The following ATP10B variants were observed in gnomAD, a reference collection of about 807,000 sequenced individuals.
ATP10B encodes the protein phospholipid-transporting ATPase VB.
In ATP10B, 122 loss-of-function variants were observed where a neutral mutation model predicts 141.2. The observed-to-expected ratio is 0.86, with a 90% CI of 0.75 to 1.00. The LOEUF is 1.00. Ranked by LOEUF, ATP10B falls within the 50% of genes least tolerant of loss-of-function variation. The pLI is 0.00. For missense variants in ATP10B, 1,876 were observed against 1,825.3 expected (o/e 1.03, Z -0.51); for synonymous variants, 685 against 692.0 (o/e 0.99, Z 0.16).
intron 1 of ATP10B, among the ~76,000 whole-genome samples, chr5:160,788,835 C>T (rs182236638): frequency 1.3e-5 from 2 of 152,212 alleles, no homozygotes; most frequent in East Asian, 3.9e-4. Flanking sequence ...ACTTTCTATC[C>T]ATCCACCATC....
At chr5:160,601,146 C>T (rs999442811) in intron 21 of ATP10B, among the ~76,000 whole-genome samples, 6 of 152,192 alleles carry the variant, frequency 3.9e-5, no homozygotes, top group East Asian at 1.9e-4. Flanking sequence ...GACTTGTTTG[C>T]GTAGACTTGC....
At chr5:160,592,547 T>C (rs979684798) in intron 22 of ATP10B, among the ~76,000 whole-genome samples, 1 of 152,072 alleles carries the variant, frequency 6.6e-6, no homozygotes, top group African/African-American at 2.4e-5. Flanking sequence ...CACTAGGGAG[T>C]GCCAGACAGT....
chr5:160,748,626 G>C (rs1484267888), intron 2 of ATP10B, among the ~76,000 whole-genome samples: 5 of 152,218 alleles, frequency 3.3e-5, no homozygotes, highest in African/African-American at 9.7e-5. Flanking sequence ...GTAACTTCCA[G>C]ATGCCAGCTG....
chr5:160,759,506 T>G (rs1041762276), intron 2 of ATP10B, among the ~76,000 whole-genome samples: 3 of 152,236 alleles, frequency 2.0e-5, no homozygotes, highest in Admixed American at 1.3e-4. Flanking sequence ...TGAACAATTT[T>G]TTTTAAGATT....
At chr5:160,750,161 A>T (rs1391249186) in intron 2 of ATP10B, among the ~76,000 whole-genome samples, 4 of 152,188 alleles carry the variant, frequency 2.6e-5, no homozygotes, top group Non-Finnish European at 4.4e-5. Flanking sequence ...GGTCTACATG[A>T]AATCTCATTC....
intron 15 of ATP10B, 82 bp downstream of exon 15, chr5:160,620,265 T>C: frequency 6.6e-7 from 1 of 1,507,304 alleles, no homozygotes; most frequent in Non-Finnish European, 8.9e-7. Flanking sequence ...ACACTACAAC[T>C]TGAGCTTCTT....
At chr5:160,845,282 G>A (rs978314661) in intron 1 of ATP10B, among the ~76,000 whole-genome samples, 2 of 152,146 alleles carry the variant, frequency 1.3e-5, no homozygotes, top group African/African-American at 4.8e-5. Context: ...TGGGAACCAT[G>A]ACTGTGGACA....
At chr5:160,887,814 C>G in the ATP10B span, among the ~76,000 whole-genome samples, 1 of 152,136 alleles carries the variant, frequency 6.6e-6, no homozygotes, top group Non-Finnish European at 1.5e-5. Context: ...TTCCGGACAC[C>G]CTATGTACAA....
At chr5:160,844,677 T>C (rs982896768) in intron 1 of ATP10B, among the ~76,000 whole-genome samples, 3 of 151,768 alleles carry the variant, frequency 2.0e-5, no homozygotes, top group African/African-American at 7.3e-5. Context: ...TCCTGAGTAG[T>C]TGGGATTACA....
At chr5:160,799,503 G>T (rs1772214211) in intron 1 of ATP10B, among the ~76,000 whole-genome samples, 1 of 152,168 alleles carries the variant, frequency 6.6e-6, no homozygotes, top group African/African-American at 2.4e-5. Context: ...CAAAGTCACT[G>T]TTAATTAATG....
In ATP10B at chr5:160,659,765, A is replaced by G. The variant is rs577585587; in HGVS notation, c.676-10509T>C. The stretch of plus-strand genomic sequence containing the variant: ...CATCAAGTTATCATTATTATAAATA[A>G]TTAAACCTAACATTTATAGAGCTTT... On this transcript the variant is annotated intron_variant, in intron 7 of 25. Coordinates refer to ENST00000327245, the MANE Select transcript of ATP10B (RefSeq NM_025153.3). 3.9e-5 allele frequency among the ~76,000 whole-genome samples: 6 copies of G among 152,302 alleles called. No homozygotes were observed. The East Asian group carries it at 1.2e-3, about 29-fold the overall frequency.
intron 6 of ATP10B, among the ~76,000 whole-genome samples, chr5:160,683,578 G>A (rs1304861605): frequency 1.3e-5 from 2 of 152,160 alleles, no homozygotes; most frequent in Admixed American, 6.5e-5. Context: ...TACATACCTC[G>A]AAGCAAGCCT....
the ATP10B span, among the ~76,000 whole-genome samples, chr5:160,878,726 G>T: frequency 6.6e-6 from 1 of 152,068 alleles, no homozygotes; most frequent in East Asian, 1.9e-4. Context: ...GTGGGCGAAG[G>T]ACATGAACAG....
chr5:160,636,145 T>C (rs375408879), intron 11 of ATP10B, 37 bp downstream of exon 11: 2 of 1,560,412 alleles, frequency 1.3e-6, no homozygotes, highest in African/African-American at 2.8e-5. Flanking sequence ...TTTGGCCACA[T>C]ATCTTATTGG....
chr5:160,775,136 T>C (rs1770198630), intron 2 of ATP10B, among the ~76,000 whole-genome samples: 1 of 152,162 alleles, frequency 6.6e-6, no homozygotes, highest in Admixed American at 6.5e-5. Context: ...GCCGTGGCCG[T>C]GTTTATCAGT....
chr5:160,866,005 C>T, the ATP10B span, among the ~76,000 whole-genome samples: 12 of 152,030 alleles, frequency 7.9e-5, no homozygotes, highest in Admixed American at 3.3e-4. Context: ...AACAATATGG[C>T]GATTCCTTAA....
At chr5:160,637,129 TATCCATCC>T (rs35749013) in intron 10 of ATP10B, among the ~76,000 whole-genome samples, 6 of 146,554 alleles carry the variant, frequency 4.1e-5, no homozygotes, top group African/African-American at 1.3e-4. Flanking sequence ...TCTATCCATC[TATCCATCC>T]ATCCATCCAT....
chr5:160,697,554 G>A (rs369305259), intron 3 of ATP10B, among the ~76,000 whole-genome samples: 5 of 144,168 alleles, frequency 3.5e-5, no homozygotes, highest in East Asian at 2.3e-4. Context: ...GCCAGAAGCT[G>A]ACTTCCTCTA....
intron 3 of ATP10B, among the ~76,000 whole-genome samples, chr5:160,708,772 G>A (rs1486008687): frequency 2.0e-5 from 3 of 152,142 alleles, no homozygotes; most frequent in Non-Finnish European, 4.4e-5. Flanking sequence ...CTTGTTCTAC[G>A]TCATGATGGA....
Sources: gnomAD v4.1 joint callset for allele counts (sites outside exome capture counted in the v4.1 genomes callset) on GRCh38, gnomAD v4.1.1 for gene constraint, MANE v1.5 for transcripts, NCBI Gene and HGNC (gene_info 2026-07-23, HGNC 2026-07-21) for gene names.